Variants in WWTR1 observed in about 807,000 individuals in gnomAD.
The protein encoded by WWTR1 is WW domain-containing transcription regulator protein 1.
In WWTR1, 13 loss-of-function variants were observed where a neutral mutation model predicts 40.1. The observed-to-expected ratio is 0.32, with a 90% CI of 0.21 to 0.52. The LOEUF is 0.52. WWTR1 is among the 20% of genes least tolerant of loss of function. WWTR1 has a pLI of 0.97. For synonymous variants in WWTR1, 230 were observed against 210.1 expected, an observed-to-expected ratio of 1.09 and a Z score of -0.82; for missense variants, 436 against 523.1, an observed-to-expected ratio of 0.83 and a Z score of 1.63.
intron 1 of WWTR1, among the ~76,000 whole-genome samples, chr3:149,692,652 A>T (rs1362386635): frequency 6.8e-6 from 1 of 146,470 alleles, no homozygotes; most frequent in East Asian, 2.2e-4. Flanking sequence ...TGTTTGTTTG[A>T]GACGGAGTTT....
At chr3:149,535,319 T>C (rs1735776373) in intron 4 of WWTR1, among the ~76,000 whole-genome samples, 1 of 151,966 alleles carries the variant, frequency 6.6e-6, no homozygotes, top group African/African-American at 2.4e-5. Context: ...GCCAAAACCC[T>C]GAGGGACTTC....
At chr3:149,539,199 G>A (rs898898562) in intron 4 of WWTR1, among the ~76,000 whole-genome samples, 9 of 152,074 alleles carry the variant, frequency 5.9e-5, no homozygotes, top group African/African-American at 1.9e-4. Context: ...GTGGAACAAC[G>A]GCATAGCAGA....
intron 2 of WWTR1, among the ~76,000 whole-genome samples, chr3:149,575,504 G>A (rs1420115723): frequency 6.6e-6 from 1 of 152,118 alleles, no homozygotes; most frequent in African/African-American, 2.4e-5. Context: ...ACCTTTCTTA[G>A]ACTCTCTGAC....
At chr3:149,536,846 C>T (rs559673811) in intron 4 of WWTR1, among the ~76,000 whole-genome samples, 10 of 152,166 alleles carry the variant, frequency 6.6e-5, no homozygotes, top group African/African-American at 2.2e-4. Flanking sequence ...AGGCAGCCCC[C>T]GTGAAGGGAC....
At chr3:149,611,727 A>G (rs961001481) in intron 2 of WWTR1, among the ~76,000 whole-genome samples, 1 of 152,158 alleles carries the variant, frequency 6.6e-6, no homozygotes, top group Non-Finnish European at 1.5e-5. Context: ...AATGATACCT[A>G]CCCAGACTAC....
At chr3:149,651,615 GA>G (rs1163252607) in intron 2 of WWTR1, among the ~76,000 whole-genome samples, 2 of 152,074 alleles carry the variant, frequency 1.3e-5, no homozygotes, top group Non-Finnish European at 2.9e-5. Context: ...GTCCAAATAT[GA>G]AAAAACTAAA....
intron 1 of WWTR1, among the ~76,000 whole-genome samples, chr3:149,693,455 T>C (rs1184932517): frequency 7.5e-6 from 1 of 133,580 alleles, no homozygotes; most frequent in Non-Finnish European, 1.6e-5. Flanking sequence ...ACCAATGACA[T>C]TCTTCACATA....
At chr3:149,674,162 G>GTGAGCCA (rs1714185392) in intron 1 of WWTR1, among the ~76,000 whole-genome samples, 1 of 151,958 alleles carries the variant, frequency 6.6e-6, no homozygotes, top group Admixed American at 6.6e-5. Context: ...CAAGGCAGCA[G>GTGAGCCA]TGAGCCATGA....
chr3:149,657,255 T>C lies in WWTR1; in HGVS notation c.52A>G (p.Ile18Val), dbSNP rs757327711. 2 of 1,613,296 alleles carry C rather than the reference T, an allele frequency of 1.2e-6. No individual in the cohort carries two copies. The highest frequency in any genetic ancestry group is 2.2e-5 in the South Asian group (2 of 90,788). The change falls in exon 2 of 7, where the codon ATC (isoleucine) becomes GTC (valine). Residue 18 changes from isoleucine (I) to valine (V), a missense_variant. Ile to Val is a conservative substitution (Grantham distance 29). Coordinates refer to ENST00000360632, the MANE Select transcript of WWTR1 (RefSeq NM_015472.6). ...GTGTCTAGGTCCTGCGTGACGTGGATCACTTGCTGCCCAGGCGGCGGGAGC... is the reference window on the plus strand; with the variant it reads ...GTGTCTAGGTCCTGCGTGACGTGGACCACTTGCTGCCCAGGCGGCGGGAGC... ...PPLPPPGQQV[I>V]HVTQDLDTDL... is the part of the protein sequence containing the mutation.
chr3:149,580,919 T>C (rs541946407), intron 2 of WWTR1, among the ~76,000 whole-genome samples: 27 of 152,320 alleles, frequency 1.8e-4, no homozygotes, highest in Non-Finnish European at 3.2e-4. Context: ...GCGACAATAT[T>C]AAGATTAGTA....
intron 4 of WWTR1, among the ~76,000 whole-genome samples, chr3:149,722,993 T>C (rs186739897): frequency 6.6e-6 from 1 of 152,050 alleles, no homozygotes; most frequent in Non-Finnish European, 1.5e-5. Flanking sequence ...CCTTGTCTAT[T>C]ACAACCATTT....
chr3:149,613,639 C>T (rs1189757499), intron 2 of WWTR1, among the ~76,000 whole-genome samples: 1 of 152,118 alleles, frequency 6.6e-6, no homozygotes, highest in Non-Finnish European at 1.5e-5. Context: ...TCGACCCTCC[C>T]TGAGTTCAAG....
At chr3:149,670,455 T>A (rs1714026432) in intron 1 of WWTR1, among the ~76,000 whole-genome samples, 1 of 152,002 alleles carries the variant, frequency 6.6e-6, no homozygotes, top group South Asian at 2.1e-4. Context: ...CTATCTACTC[T>A]AAGTTTTCCA....
At chr3:149,573,127 G>A in intron 2 of WWTR1, 127 bp from the exon 3 acceptor site, 1 of 1,079,476 alleles carries the variant, frequency 9.3e-7, no homozygotes, top group Non-Finnish European at 1.3e-6. Context: ...TTGATAGATT[G>A]TGCTTGGTTT....
chr3:149,572,690 C>T (rs1447655716), intron 3 of WWTR1, among the ~76,000 whole-genome samples, 174 bp downstream of exon 3: 1 of 151,956 alleles, frequency 6.6e-6, no homozygotes, highest in Admixed American at 6.6e-5. Context: ...GGAGTCAAAG[C>T]TTGGGGCTCC....
chr3:149,563,544 G>A (rs1375765311), intron 3 of WWTR1, among the ~76,000 whole-genome samples: 4 of 152,132 alleles, frequency 2.6e-5, no homozygotes, highest in Non-Finnish European at 5.9e-5. Context: ...GCTCATGTGC[G>A]CACTAACACC....
chr3:149,723,151 C>A (rs1263602826), intron 4 of WWTR1, among the ~76,000 whole-genome samples: 1 of 149,462 alleles, frequency 6.7e-6, no homozygotes, highest in Admixed American at 6.7e-5. Flanking sequence ...AAATCAGTGT[C>A]CTTTCTTTTG....
intron 4 of WWTR1, among the ~76,000 whole-genome samples, chr3:149,533,423 G>T (rs575116755): frequency 3.9e-4 from 59 of 152,334 alleles, no homozygotes; most frequent in African/African-American, 1.4e-3. Context: ...AGGGCACACA[G>T]TGGCTCTCAA....
At chr3:149,689,797 T>G (rs563782694) in intron 1 of WWTR1, among the ~76,000 whole-genome samples, 5 of 152,192 alleles carry the variant, frequency 3.3e-5, no homozygotes, top group Non-Finnish European at 7.4e-5. Context: ...TAATAGTGAG[T>G]ACACAGACAA....
Sources: gnomAD v4.1 joint callset for allele counts (sites outside exome capture counted in the v4.1 genomes callset) on GRCh38, gnomAD v4.1.1 for gene constraint, MANE v1.5 for transcripts, NCBI Gene and HGNC (gene_info 2026-07-23, HGNC 2026-07-21) for gene names.